SYNE2: variants seen among roughly 807,000 people sequenced by gnomAD.
SYNE2 encodes the protein nesprin-2.
Under a neutral mutation model 856.3 loss-of-function variants are expected in SYNE2, and 431 were observed. That is an observed-to-expected ratio of 0.50 (90% CI 0.47 to 0.55). The LOEUF is 0.55. SYNE2 is among the 20% of genes least tolerant of loss of function. The pLI is 0.00. For synonymous variants in SYNE2, 2,923 were observed against 2,872.3 expected (o/e 1.02, Z -0.56); for missense variants, 8,129 against 8,023.2 (o/e 1.01, Z -0.50).
At chr14:64,225,240 C>T (rs1327555521) in intron 115 of SYNE2, 79 bp from the exon 116 acceptor site, 4 of 1,608,828 alleles carry the variant, frequency 2.5e-6, no homozygotes, top group Non-Finnish European at 2.6e-6. Context: ...TTCTTACTTA[C>T]ATAAGCAGGG....
At chr14:64,152,092 A>G (rs1380242086) in intron 84 of SYNE2, among the ~76,000 whole-genome samples, 3 of 152,210 alleles carry the variant, frequency 2.0e-5, no homozygotes, top group Non-Finnish European at 4.4e-5. Flanking sequence ...AAAATGATTA[A>G]AGTTATTACT....
intron 77 of SYNE2, among the ~76,000 whole-genome samples, chr14:64,132,851 A>T (rs184071486): frequency 1.7e-4 from 26 of 152,322 alleles, no homozygotes; most frequent in Admixed American, 1.3e-3. Context: ...GCTCCTTCTC[A>T]GTTTTGAGGC....
chr14:64,137,532 T>G (rs1490688253), intron 78 of SYNE2, among the ~76,000 whole-genome samples: 1 of 152,230 alleles, frequency 6.6e-6, no homozygotes. Context: ...ATTACAGGTA[T>G]GAGCCACTGC....
At chr14:64,012,977 T>C (rs956995025) in intron 32 of SYNE2, among the ~76,000 whole-genome samples, 2 of 152,188 alleles carry the variant, frequency 1.3e-5, no homozygotes, top group Non-Finnish European at 2.9e-5. Flanking sequence ...ATCTAGGATA[T>C]GGTGACAAAG....
intron 53 of SYNE2, among the ~76,000 whole-genome samples, chr14:64,074,738 A>T (rs2097443269): frequency 6.6e-6 from 1 of 152,164 alleles, no homozygotes; most frequent in African/African-American, 2.4e-5. Flanking sequence ...TCTACTAAAA[A>T]TACAAAAATT....
chr14:64,059,085 C>G (rs1208961369), intron 49 of SYNE2, among the ~76,000 whole-genome samples: 1 of 152,076 alleles, frequency 6.6e-6, no homozygotes, highest in African/African-American at 2.4e-5. Context: ...TCTTGAATTT[C>G]TTTGATTTTC....
chr14:64,197,211 G>C (rs1216254109), intron 99 of SYNE2: 1 of 152,296 alleles, frequency 6.6e-6, no homozygotes, highest in Non-Finnish European at 1.5e-5. Context: ...AGAAATCACC[G>C]ATGAGATGGT....
chr14:64,218,259 C>A (rs2098676240), intron 108 of SYNE2, 139 bp from the exon 109 acceptor site: 1 of 781,734 alleles, frequency 1.3e-6, no homozygotes, highest in East Asian at 2.8e-5. Flanking sequence ...CACTAAAGCA[C>A]CACTGTATTC....
chr14:63,965,486 T>A (rs2096378680), intron 10 of SYNE2, among the ~76,000 whole-genome samples: 1 of 152,202 alleles, frequency 6.6e-6, no homozygotes, highest in African/African-American at 2.4e-5. Context: ...TAAGTAGTTA[T>A]TCCCTGTACA....
In SYNE2 at chr14:64,015,047, ATATATATAAATATATATGTGTATATATG is replaced by A. The variant is rs1286988965; in HGVS notation, c.4729-1417_4729-1390del. On this transcript the variant is annotated intron_variant, in intron 32 of 115. Coordinates refer to ENST00000555002, the MANE Select transcript of SYNE2 (RefSeq NM_182914.3). ...TATATAAATATATATGTATATATGT[ATATATATAAATATATATGTGTATATATG>A]TATATATATATAACGTGTATATATA... Among the ~76,000 whole-genome samples the A allele has an allele frequency of 2.4e-4, 35 of 144,694 alleles. No individual in the cohort carries two copies. The South Asian group carries it at 6.7e-3, about 28-fold the overall frequency. The allele number at this position is 144,694 out of a possible 152,430, so 94.9% of individuals were successfully genotyped here. A position where few individuals can be genotyped will look rare whatever the true frequency, so the allele number is the denominator to read the frequency against.
In SYNE2 at chr14:64,031,034, A is replaced by G. The variant is rs1451187241; in HGVS notation, c.6898A>G (p.Ser2300Gly). ...CTCGTAGGAACTAGAGAATAGACTC[A>G]GTTTACAAGATGGCACATTAAAGAA... ...QKLQELENRL[S>G]LQDGTLKKIL... The change falls in exon 45 of 116, where the codon AGT becomes GGT. Residue 2300 changes from serine (S) to glycine (G), a missense_variant. Ser to Gly is a moderately conservative substitution (Grantham distance 56). This residue lies in a region of SYNE2 where 297 missense variants were observed against 380.9 expected (regional missense o/e 0.78). Coordinates refer to ENST00000555002, the MANE Select transcript of SYNE2 (RefSeq NM_182914.3). 1 of 1,613,888 alleles carries G rather than the reference A, an allele frequency of 6.2e-7. No homozygotes were observed. Among genetic ancestry groups the G allele is most frequent in the Admixed American group, 1.7e-5 (1 of 60,014 alleles).
chr14:64,224,393 T>G, intron 113 of SYNE2, 68 bp from the exon 114 acceptor site: 32 of 1,217,092 alleles, frequency 2.6e-5, no homozygotes, highest in Non-Finnish European at 3.4e-5. Context: ...TAGGGGAGGG[T>G]GAGCTATATC....
At chr14:63,937,390 G>A (rs115761143) in intron 2 of SYNE2, among the ~76,000 whole-genome samples, 2,041 of 152,270 alleles carry the variant, frequency 0.013, 47 homozygotes, top group African/African-American at 0.046. Context: ...ACGATGATAC[G>A]GAAGAGGTAG....
At chr14:63,956,862 G>A (rs986338710) in intron 8 of SYNE2, among the ~76,000 whole-genome samples, 20 of 152,026 alleles carry the variant, frequency 1.3e-4, no homozygotes, top group African/African-American at 3.9e-4. Context: ...TGTATACCAA[G>A]GAGAACTGTA....
intron 1 of SYNE2, among the ~76,000 whole-genome samples, chr14:63,766,148 G>A (rs1329547165): frequency 1.3e-5 from 2 of 150,452 alleles, no homozygotes; most frequent in African/African-American, 2.5e-5. Flanking sequence ...GCATGATCTC[G>A]GCTCACTGCA....
intron 8 of SYNE2, among the ~76,000 whole-genome samples, chr14:63,957,707 A>G (rs2096258448): frequency 6.6e-6 from 1 of 152,072 alleles, no homozygotes; most frequent in Non-Finnish European, 1.5e-5. Flanking sequence ...ATCTCTACTA[A>G]AAATACAAAA....
At chr14:63,888,605 A>G (rs1042861738) in intron 1 of SYNE2, among the ~76,000 whole-genome samples, 1 of 152,224 alleles carries the variant, frequency 6.6e-6, no homozygotes, top group Admixed American at 6.5e-5. Flanking sequence ...CCTATATCCC[A>G]TCTTGCTGAC....
At position 63,990,434 on chromosome 14, in the gene SYNE2, G is replaced by A. The variant is rs1228087819; in HGVS notation, c.2337G>A (p.Met779Ile). ...AGCATCTTATTGCCAAAGGCTCTATGTTTGATGAGCTTATGGCAAGAAGTG... is the reference window on the plus strand; with the variant it reads ...AGCATCTTATTGCCAAAGGCTCTATATTTGATGAGCTTATGGCAAGAAGTG... ...SLKHLIAKGS[M>I]FDELMARSED... Residue 779 changes from methionine to isoleucine, a missense_variant, in exon 20 of 116, where the codon ATG becomes ATA. By Grantham distance (10) the Met-to-Ile change is conservative. Transcript: ENST00000555002. 7 of 1,613,308 alleles carry A rather than the reference G, an allele frequency of 4.3e-6. 1 individual carries two copies. The Admixed American group carries it at 1.2e-4, about 27-fold the overall frequency.
chr14:63,865,753 A>T (rs1895127204), intron 1 of SYNE2, among the ~76,000 whole-genome samples: 1 of 143,466 alleles, frequency 7.0e-6, no homozygotes, highest in South Asian at 2.3e-4. Flanking sequence ...AAAGAAATTT[A>T]TCTGGCCTTT....
Sources: gnomAD v4.1 joint callset for allele counts (sites outside exome capture counted in the v4.1 genomes callset) on GRCh38, gnomAD v4.1.1 for gene constraint, gnomAD v4.1.1 regional missense constraint, MANE v1.5 for transcripts, NCBI Gene and HGNC (gene_info 2026-07-23, HGNC 2026-07-21) for gene names.